Variants in NTM observed in about 807,000 individuals in gnomAD.
NTM encodes the protein IgLON family member 2.
NTM carries 13 observed loss-of-function variants against 42.1 expected under a neutral mutation model. The ratio of observed to expected loss-of-function variants is 0.31; its 90% CI spans 0.20 to 0.49. NTM has a LOEUF of 0.49. NTM is among the 20% of genes least tolerant of loss of function. The pLI, the probability that NTM is intolerant of heterozygous loss-of-function variation, is 0.99. For synonymous variants in NTM, 187 were observed against 179.2 expected (o/e 1.04, Z -0.35); for missense variants, 373 against 452.8 (o/e 0.82, Z 1.60).
chr11:131,738,255 G>T (rs1350901538), intron 1 of NTM, among the ~76,000 whole-genome samples: 1 of 152,236 alleles, frequency 6.6e-6, no homozygotes, highest in African/African-American at 2.4e-5. Flanking sequence ...GCTTGCCACA[G>T]TGTGGGGGTG....
At chr11:131,589,978 G>A (rs1484142665) in intron 1 of NTM, among the ~76,000 whole-genome samples, 2 of 152,216 alleles carry the variant, frequency 1.3e-5, no homozygotes, top group African/African-American at 4.8e-5. Flanking sequence ...CCACATGCCA[G>A]GATCCTCCTA....
chr11:132,069,492 A>C (rs1273669848), intron 2 of NTM, among the ~76,000 whole-genome samples: 6 of 121,958 alleles, frequency 4.9e-5, no homozygotes, highest in East Asian at 2.1e-4. Context: ...AACATGTCAC[A>C]CAGCCAAGTT....
chr11:132,091,990 CTG>C (rs926403090), intron 2 of NTM, among the ~76,000 whole-genome samples: 1 of 152,208 alleles, frequency 6.6e-6, no homozygotes, highest in African/African-American at 2.4e-5. Context: ...GCCACCAAAG[CTG>C]TGAGTCCCGC....
At chr11:132,045,681 C>T (rs2077884302) in intron 2 of NTM, among the ~76,000 whole-genome samples, 1 of 152,116 alleles carries the variant, frequency 6.6e-6, no homozygotes, top group Non-Finnish European at 1.5e-5. Flanking sequence ...ACAGGGTTTC[C>T]TCAAAGCACG....
intron 1 of NTM, among the ~76,000 whole-genome samples, chr11:131,849,922 G>A (rs1198002461): frequency 6.6e-6 from 1 of 151,070 alleles, no homozygotes; most frequent in Non-Finnish European, 1.5e-5. Context: ...GTATACATAT[G>A]TAACAAACCT....
chr11:131,692,414 T>C (rs543369383), intron 1 of NTM, among the ~76,000 whole-genome samples: 1 of 152,328 alleles, frequency 6.6e-6, no homozygotes, highest in Non-Finnish European at 1.5e-5. Flanking sequence ...TGCAGATCTC[T>C]GAGTGATGCT....
chr11:132,168,825 A>G (rs1272637950), intron 3 of NTM, among the ~76,000 whole-genome samples: 1 of 152,176 alleles, frequency 6.6e-6, no homozygotes, highest in Non-Finnish European at 1.5e-5. Flanking sequence ...GGAGTTGAGA[A>G]GGAGCTTGCC....
At chr11:132,273,007 GT>G (rs1279171608) in intron 4 of NTM, among the ~76,000 whole-genome samples, 1 of 151,760 alleles carries the variant, frequency 6.6e-6, no homozygotes, top group Admixed American at 6.6e-5. Context: ...TTTTTGTTTT[GT>G]TTTTGTTTTT....
intron 4 of NTM, among the ~76,000 whole-genome samples, chr11:132,218,830 A>G (rs1246300129): frequency 1.3e-5 from 2 of 152,148 alleles, no homozygotes; most frequent in African/African-American, 4.8e-5. Flanking sequence ...GGCTTCTGCT[A>G]CTAACAATGA....
At chr11:131,464,295 G>A (rs1951681277) in intron 1 of NTM, among the ~76,000 whole-genome samples, 2 of 152,160 alleles carry the variant, frequency 1.3e-5, no homozygotes, top group South Asian at 2.1e-4. Context: ...TTAGAAGACC[G>A]GAGAATGATC....
At chr11:131,797,358 C>T (rs907158770) in intron 1 of NTM, among the ~76,000 whole-genome samples, 6 of 152,046 alleles carry the variant, frequency 3.9e-5, no homozygotes, top group African/African-American at 1.2e-4. Flanking sequence ...TGCAGCAAGC[C>T]GTAAAAAGTG....
At chr11:132,171,326 T>A (rs1471426663) in intron 3 of NTM, among the ~76,000 whole-genome samples, 1 of 152,186 alleles carries the variant, frequency 6.6e-6, no homozygotes, top group Non-Finnish European at 1.5e-5. Flanking sequence ...GGGTTGCTTA[T>A]TAAGAACAGA....
chr11:131,612,386 G>A (rs980995192), intron 1 of NTM, among the ~76,000 whole-genome samples: 1 of 152,194 alleles, frequency 6.6e-6, no homozygotes, highest in Admixed American at 6.5e-5. Context: ...TAACTAATAC[G>A]CTAGTTCCAC....
intron 1 of NTM, among the ~76,000 whole-genome samples, chr11:131,471,242 A>G (rs957907309): frequency 4.6e-5 from 7 of 152,190 alleles, no homozygotes; most frequent in African/African-American, 1.7e-4. Flanking sequence ...ATTTCTCTAA[A>G]CACAATGCAC....
At chr11:131,820,450 G>A (rs959834729) in intron 1 of NTM, among the ~76,000 whole-genome samples, 6 of 152,112 alleles carry the variant, frequency 3.9e-5, no homozygotes, top group African/African-American at 1.4e-4. Context: ...TTTTAAATAT[G>A]TATTATGAAA....
chr11:131,498,484 T>C (rs941799067), intron 1 of NTM, among the ~76,000 whole-genome samples: 5 of 152,192 alleles, frequency 3.3e-5, no homozygotes, highest in African/African-American at 4.8e-5. Flanking sequence ...TGCAAATGGC[T>C]CTGACCTCTA....
At chr11:132,317,740 G>T (rs374409563) in intron 7 of NTM, 10 of 1,152,864 alleles carry the variant, frequency 8.7e-6, no homozygotes, top group African/African-American at 8.0e-5. Context: ...CTCTATCCCA[G>T]AGGCCCCCTT....
intron 2 of NTM, among the ~76,000 whole-genome samples, chr11:132,048,607 C>CA (rs2078362622): frequency 6.6e-6 from 1 of 152,126 alleles, no homozygotes; most frequent in South Asian, 2.1e-4. Context: ...GTAGTGTGAA[C>CA]ACGGTTGATG....
At chr11:131,557,055 CTT>C (rs970811707) in intron 1 of NTM, among the ~76,000 whole-genome samples, 2 of 151,946 alleles carry the variant, frequency 1.3e-5, no homozygotes, top group South Asian at 2.1e-4. Context: ...TGATTTGTAA[CTT>C]TTTTTCTTTT....
Sources: allele counts gnomAD v4.1 joint callset (sites outside exome capture counted in the v4.1 genomes callset), GRCh38; gene constraint gnomAD v4.1.1; transcripts MANE v1.5; gene names NCBI Gene and HGNC (gene_info 2026-07-23, HGNC 2026-07-21).